The following ZBTB20 variants were observed in gnomAD, a reference collection of about 807,000 sequenced individuals.
ZBTB20 encodes the protein zinc finger and BTB domain containing 20.
Under a neutral mutation model 56.9 loss-of-function variants are expected in ZBTB20, and 9 were observed. The observed-to-expected ratio is 0.16, with a 90% CI of 0.10 to 0.28. The LOEUF (loss-of-function observed/expected upper bound fraction) is 0.28. Ranked by LOEUF, ZBTB20 falls within the 10% of genes least tolerant of loss-of-function variation. The pLI is 1.00. For missense variants in ZBTB20, 655 were observed against 1,003.0 expected, an observed-to-expected ratio of 0.65 and a Z score of 4.69; for synonymous variants, 417 against 420.7, an observed-to-expected ratio of 0.99 and a Z score of 0.11.
intron 6 of ZBTB20, among the ~76,000 whole-genome samples, chr3:114,636,699 A>G (rs1560069061): frequency 6.6e-6 from 1 of 152,098 alleles, no homozygotes; most frequent in Non-Finnish European, 1.5e-5. Context: ...AAGGAATCAA[A>G]GCATATTGCT....
chr3:114,868,166 T>C (rs900925429), intron 4 of ZBTB20, among the ~76,000 whole-genome samples: 1 of 152,198 alleles, frequency 6.6e-6, no homozygotes, highest in Non-Finnish European at 1.5e-5. Flanking sequence ...AAAAGCAATT[T>C]GTCCAATTCC....
At chr3:114,844,535 A>AAAAAAC (rs2074573345) in intron 4 of ZBTB20, among the ~76,000 whole-genome samples, 8 of 139,898 alleles carry the variant, frequency 5.7e-5, no homozygotes, top group Non-Finnish European at 7.7e-5. Flanking sequence ...AAAAAAAAAA[A>AAAAAAC]AAAAAAAAAA....
chr3:114,571,800 G>A (rs2053466700), intron 6 of ZBTB20, among the ~76,000 whole-genome samples: 1 of 152,074 alleles, frequency 6.6e-6, no homozygotes, highest in African/African-American at 2.4e-5. Context: ...CTCTTGAGGT[G>A]GAACTCAGAT....
At position 114,323,870 on chromosome 3, in the gene ZBTB20, CTTTT is replaced by C. The variant is rs1349888962; in HGVS notation, c.*15131_*15134del. 6.6e-6 allele frequency: 1 copy of C among 152,000 alleles called. No individual in the cohort carries two copies. The highest frequency in any genetic ancestry group is 2.4e-5 in the African/African-American group (1 of 41,362). 9.4% of individuals were successfully genotyped at this position (152,000 alleles called of 1,614,324 possible). A position where few individuals can be genotyped will look rare whatever the true frequency, so the allele number is the denominator to read the frequency against. On this transcript the variant is annotated 3_prime_UTR_variant, in exon 12 of 12. Transcript: ENST00000675478. ...TGATGCTCCTACTTCCATAATTTGC[CTTTT>C]TCTTTCCCATACGTAACACACTCTC...
rs991066815 is a variant in ZBTB20 at position 115,096,102 on chromosome 3, T to C, written c.-702-24688A>G. Among the ~76,000 whole-genome samples the C allele has an allele frequency of 3.7e-4, 57 of 152,232 alleles. 1 individual carries two copies. Among genetic ancestry groups the C allele is most frequent in the African/African-American group, 1.4e-3 (57 of 41,466 alleles). ...CTGTATTAGCACTGTAAATAATCCA[T>C]AGTAATTGTATAAAATAACAAAAAT... On this transcript the variant is annotated intron_variant, in intron 1 of 11. Transcript: ENST00000675478.
At chr3:114,827,545 A>T (rs2073606355) in intron 4 of ZBTB20, among the ~76,000 whole-genome samples, 1 of 151,868 alleles carries the variant, frequency 6.6e-6, no homozygotes, top group South Asian at 2.1e-4. Flanking sequence ...CATATCTACT[A>T]GTAGTAATAC....
chr3:114,561,418 T>G (rs181144431), intron 6 of ZBTB20, among the ~76,000 whole-genome samples: 1 of 152,346 alleles, frequency 6.6e-6, no homozygotes, highest in Admixed American at 6.5e-5. Context: ...TGAAATTTAT[T>G]TTTTAAATAT....
intron 10 of ZBTB20, among the ~76,000 whole-genome samples, chr3:114,376,282 C>G (rs1233237799): frequency 6.6e-6 from 1 of 152,140 alleles, no homozygotes; most frequent in Non-Finnish European, 1.5e-5. Flanking sequence ...AAAACAATGT[C>G]CCCACACCCA....
At chr3:114,951,243 G>GT (rs964034612) in intron 3 of ZBTB20, among the ~76,000 whole-genome samples, 34 of 150,204 alleles carry the variant, frequency 2.3e-4, no homozygotes, top group African/African-American at 3.2e-4. Flanking sequence ...CATTGCTTTT[G>GT]TTTTTTTTTC....
intron 6 of ZBTB20, among the ~76,000 whole-genome samples, chr3:114,680,449 G>A (rs17681451): frequency 0.057 from 8,650 of 152,214 alleles, 336 homozygotes; most frequent in Middle Eastern, 0.14. Context: ...TGAGGGCATT[G>A]ACCTTGACTC....
intron 4 of ZBTB20, among the ~76,000 whole-genome samples, chr3:114,861,497 C>T (rs2075526981): frequency 6.6e-6 from 1 of 152,072 alleles, no homozygotes; most frequent in African/African-American, 2.4e-5. Flanking sequence ...AAGGTATCAC[C>T]TACAATGACC....
intron 8 of ZBTB20, among the ~76,000 whole-genome samples, chr3:114,384,485 A>G (rs554228409): frequency 6.6e-6 from 1 of 151,676 alleles, no homozygotes; most frequent in Non-Finnish European, 1.5e-5. Context: ...AAAAAAAGGC[A>G]AAAAAGCGTG....
chr3:115,000,533 C>A (rs967990898), intron 2 of ZBTB20, among the ~76,000 whole-genome samples: 1 of 151,426 alleles, frequency 6.6e-6, no homozygotes, highest in African/African-American at 2.4e-5. Context: ...TTGCCCAACC[C>A]CTAGAAACAC....
intron 5 of ZBTB20, among the ~76,000 whole-genome samples, chr3:114,708,163 T>C (rs982557982): frequency 6.6e-6 from 1 of 152,196 alleles, no homozygotes; most frequent in Non-Finnish European, 1.5e-5. Context: ...CAATTTATAT[T>C]CTGTAAACTG....
intron 1 of ZBTB20, among the ~76,000 whole-genome samples, chr3:115,091,255 C>T (rs1310111437): frequency 6.6e-6 from 1 of 151,980 alleles, no homozygotes; most frequent in Admixed American, 6.6e-5. Flanking sequence ...ATAGCACTTT[C>T]AAAGGCTAGC....
At position 114,380,204 on chromosome 3, in the gene ZBTB20, G is replaced by A. The variant is rs764543426; in HGVS notation, c.199+13C>T. On this transcript the variant is annotated intron_variant, in intron 10 of 11. Coordinates refer to ENST00000675478, the MANE Select transcript of ZBTB20 (RefSeq NM_001348800.3). ...GCACTGCAAAGACACCATCACCTTA[G>A]TGGTGTACTCACAATCAGATGACCC... The A allele has an allele frequency of 6.1e-5, 94 of 1,533,312 alleles. No homozygotes were observed. The highest frequency in any genetic ancestry group is 8.0e-5 in the Non-Finnish European group (92 of 1,144,842). The allele number at this position is 1,533,312 out of a possible 1,614,324, so 95.0% of individuals were successfully genotyped here.
intron 5 of ZBTB20, among the ~76,000 whole-genome samples, chr3:114,788,734 G>T (rs1197871856): frequency 6.6e-6 from 1 of 152,058 alleles, no homozygotes. Flanking sequence ...GTATTCATTT[G>T]CTCTCACACT....
chr3:114,612,162 C>T lies in ZBTB20; in HGVS notation c.-295+81366G>A, dbSNP rs115689330. Among the ~76,000 whole-genome samples, 77 of 152,274 alleles carry T rather than the reference C, an allele frequency of 5.1e-4. 1 individual carries two copies. The highest frequency in any genetic ancestry group is 9.7e-4 in the Non-Finnish European group (66 of 67,998). On this transcript the variant is annotated intron_variant, in intron 6 of 11. Coordinates refer to ENST00000675478, the MANE Select transcript of ZBTB20 (RefSeq NM_001348800.3). ...GACCTTTTATTCCATTATCTTTCAA[C>T]GTCCAGCTTTTACATCTACAGCTAA... is the stretch of plus-strand genomic sequence containing the variant.
At chr3:114,514,766 C>T (rs958822420) in intron 6 of ZBTB20, among the ~76,000 whole-genome samples, 6 of 152,080 alleles carry the variant, frequency 3.9e-5, no homozygotes, top group African/African-American at 1.4e-4. Flanking sequence ...AGAGTGTCAC[C>T]TCTGTAGACT....
Sources: gnomAD v4.1 joint callset for allele counts (sites outside exome capture counted in the v4.1 genomes callset) on GRCh38, gnomAD v4.1.1 for gene constraint, MANE v1.5 for transcripts, NCBI Gene and HGNC (gene_info 2026-07-23, HGNC 2026-07-21) for gene names.